Variants in CACNA2D1 observed in about 807,000 individuals in gnomAD.
The protein encoded by CACNA2D1 is calcium voltage-gated channel auxiliary subunit alpha2delta 1.
In CACNA2D1, 53 loss-of-function variants were observed where a neutral mutation model predicts 171.5. The ratio of observed to expected loss-of-function variants is 0.31; its 90% CI spans 0.25 to 0.39. The LOEUF (loss-of-function observed/expected upper bound fraction) is 0.39. CACNA2D1 is among the 10% of genes least tolerant of loss of function. CACNA2D1 has a pLI of 1.00. For missense variants in CACNA2D1, 903 were observed against 1,299.8 expected (o/e 0.69, Z 4.69); for synonymous variants, 442 against 443.1 (o/e 1.00, Z 0.03).
At chr7:82,365,530 TGTGA>T (rs1200755235) in intron 1 of CACNA2D1, among the ~76,000 whole-genome samples, 1 of 152,206 alleles carries the variant, frequency 6.6e-6, no homozygotes, top group Non-Finnish European at 1.5e-5. Flanking sequence ...ATCCTTTCAT[TGTGA>T]GTAAGGGATT....
chr7:82,040,887 A>C (rs140263736), intron 10 of CACNA2D1, among the ~76,000 whole-genome samples: 11 of 152,264 alleles, frequency 7.2e-5, no homozygotes, highest in Admixed American at 1.3e-4. Flanking sequence ...AGGCAGGAGA[A>C]TCACTTGAAC....
At position 82,050,614 on chromosome 7, in the gene CACNA2D1, A is replaced by G. The variant is rs1394865092; in HGVS notation, c.879+9814T>C. 41 of 702,724 alleles carry G rather than the reference A, an allele frequency of 5.8e-5. No homozygotes were observed. Among genetic ancestry groups the G allele is most frequent in the Middle Eastern group, 2.3e-4 (1 of 4,388 alleles). 43.5% of individuals were successfully genotyped at this position (702,724 alleles called of 1,614,324 possible). On this transcript the variant is annotated intron_variant, in intron 10 of 38. Coordinates refer to ENST00000356860, the MANE Select transcript of CACNA2D1 (RefSeq NM_000722.4). ...TGAAAATCTCTTCGGGAGAAGGAGAAATCTCTTTACTATCCTGGAATGCAA... is the reference window on the plus strand; with the variant it reads ...TGAAAATCTCTTCGGGAGAAGGAGAGATCTCTTTACTATCCTGGAATGCAA...
chr7:82,016,539 A>G (rs1271182868), intron 12 of CACNA2D1, among the ~76,000 whole-genome samples: 2 of 151,116 alleles, frequency 1.3e-5, no homozygotes, highest in Non-Finnish European at 2.9e-5. Flanking sequence ...TCGAGGCTAC[A>G]CTCAGATCCA....
At chr7:82,089,971 A>G (rs569511365) in intron 6 of CACNA2D1, among the ~76,000 whole-genome samples, 1 of 152,350 alleles carries the variant, frequency 6.6e-6, no homozygotes, top group African/African-American at 2.4e-5. Context: ...AATGTCAACT[A>G]CAGCTTTTGT....
chr7:81,954,190 C>T (rs1792934030), intron 38 of CACNA2D1, among the ~76,000 whole-genome samples: 1 of 151,880 alleles, frequency 6.6e-6, no homozygotes, highest in South Asian at 2.1e-4. Flanking sequence ...CCACTGACAC[C>T]ATGACCAGAT....
intron 1 of CACNA2D1, among the ~76,000 whole-genome samples, chr7:82,417,720 A>G (rs1828313191): frequency 6.6e-6 from 1 of 152,202 alleles, no homozygotes; most frequent in African/African-American, 2.4e-5. Flanking sequence ...AAATGATAGT[A>G]GGTATAGAAT....
At chr7:82,435,574 T>C (rs539336751) in intron 1 of CACNA2D1, among the ~76,000 whole-genome samples, 1 of 152,170 alleles carries the variant, frequency 6.6e-6, no homozygotes, top group Non-Finnish European at 1.5e-5. Context: ...ATTGTACTTC[T>C]ACTTCATACC....
chr7:82,390,391 AG>A (rs1824973013), intron 1 of CACNA2D1, among the ~76,000 whole-genome samples: 1 of 152,184 alleles, frequency 6.6e-6, no homozygotes, highest in Non-Finnish European at 1.5e-5. Context: ...ATTTAAAAAA[AG>A]AGAGAAAAGT....
chr7:82,143,232 A>G (rs1792600037), intron 4 of CACNA2D1, among the ~76,000 whole-genome samples: 1 of 152,186 alleles, frequency 6.6e-6, no homozygotes, highest in African/African-American at 2.4e-5. Flanking sequence ...ATCTAGAGAT[A>G]AGTGCTACCA....
rs140193603 is a variant in CACNA2D1 at position 82,397,351 on chromosome 7, T to C, written c.95+46014A>G. ...AAATATATTTTTATTTTAATATACC[T>C]ATACTTGGTATATTTCAGTCTTCTC... is the stretch of plus-strand genomic sequence containing the variant. On this transcript the variant is annotated intron_variant, in intron 1 of 38. Transcript: ENST00000356860. Among the ~76,000 whole-genome samples the C allele has an allele frequency of 9.2e-3, 1,398 of 152,294 alleles. 20 individuals carry two copies. Among genetic ancestry groups the C allele is most frequent in the African/African-American group, 0.031 (1,289 of 41,562 alleles).
At chr7:81,975,110 T>A (rs1795702384) in intron 24 of CACNA2D1, among the ~76,000 whole-genome samples, 1 of 151,742 alleles carries the variant, frequency 6.6e-6, no homozygotes, top group Admixed American at 6.6e-5. Flanking sequence ...ATAATATCAG[T>A]GGATTGTGTT....
At chr7:81,985,549 T>C (rs1796881599) in intron 21 of CACNA2D1, among the ~76,000 whole-genome samples, 1 of 152,264 alleles carries the variant, frequency 6.6e-6, no homozygotes. Context: ...TAACCACTAT[T>C]TTAAAACTCT....
At chr7:82,354,234 A>C (rs1206087938) in intron 1 of CACNA2D1, among the ~76,000 whole-genome samples, 1 of 152,194 alleles carries the variant, frequency 6.6e-6, no homozygotes, top group African/African-American at 2.4e-5. Context: ...GTCACATAAA[A>C]TTTAATTCAC....
At chr7:82,127,119 T>G (rs556768832) in intron 5 of CACNA2D1, among the ~76,000 whole-genome samples, 9 of 152,338 alleles carry the variant, frequency 5.9e-5, no homozygotes, top group Non-Finnish European at 1.3e-4. Context: ...TTCAATTAAT[T>G]TTGGACCTAG....
At chr7:82,371,967 A>C (rs1822471263) in intron 1 of CACNA2D1, among the ~76,000 whole-genome samples, 3 of 152,226 alleles carry the variant, frequency 2.0e-5, no homozygotes, top group African/African-American at 4.8e-5. Flanking sequence ...GAGACTTTAA[A>C]AAAACTTTTC....
chr7:82,380,280 C>T (rs1823540939), intron 1 of CACNA2D1, among the ~76,000 whole-genome samples: 1 of 152,172 alleles, frequency 6.6e-6, no homozygotes, highest in Non-Finnish European at 1.5e-5. Flanking sequence ...ACATGTACAA[C>T]AACTCAAGCC....
At chr7:82,301,158 C>G (rs1812952206) in intron 3 of CACNA2D1, among the ~76,000 whole-genome samples, 2 of 152,054 alleles carry the variant, frequency 1.3e-5, no homozygotes, top group Admixed American at 1.3e-4. Context: ...TGGAGTTTCA[C>G]TCTTGTTGCC....
intron 14 of CACNA2D1, among the ~76,000 whole-genome samples, 198 bp from the exon 15 acceptor site, chr7:82,012,441 T>G (rs905846969): frequency 1.3e-5 from 2 of 152,112 alleles, no homozygotes; most frequent in Non-Finnish European, 2.9e-5. Context: ...TGAACAATAT[T>G]TGACTTACAT....
intron 3 of CACNA2D1, among the ~76,000 whole-genome samples, chr7:82,321,022 C>T (rs533146868): frequency 1.3e-5 from 2 of 151,522 alleles, no homozygotes; most frequent in Non-Finnish European, 2.9e-5. Flanking sequence ...AACCTTTTAG[C>T]TCTAGCTAAA....
Sources: gnomAD v4.1 joint callset for allele counts (sites outside exome capture counted in the v4.1 genomes callset) on GRCh38, gnomAD v4.1.1 for gene constraint, MANE v1.5 for transcripts, NCBI Gene and HGNC (gene_info 2026-07-23, HGNC 2026-07-21) for gene names.